SLC39A10: variants seen among roughly 807,000 people sequenced by gnomAD.
The protein encoded by SLC39A10 is zinc transporter ZIP10.
A neutral mutation model predicts 65.1 loss-of-function variants in SLC39A10; 13 were observed. The observed-to-expected ratio is 0.20, with a 90% confidence interval of 0.13 to 0.32. The LOEUF is 0.32. Among genes scored for constraint, SLC39A10 ranks in the 10% least tolerant of loss-of-function variants. The probability of loss-of-function intolerance (pLI) is 1.00; values close to 1 mark genes in which losing one functional copy is unlikely to be tolerated. For synonymous variants in SLC39A10, 321 were observed against 342.2 expected (o/e 0.94, Z 0.68); for missense variants, 831 against 1,018.4 (o/e 0.82, Z 2.50).
intron 2 of SLC39A10, among the ~76,000 whole-genome samples, chr2:195,641,074 C>G (rs1033887757): frequency 2.6e-5 from 4 of 152,130 alleles, no homozygotes; most frequent in African/African-American, 9.7e-5. Flanking sequence ...CTCAAGGAAT[C>G]GGTGAGTATA....
intron 8 of SLC39A10, among the ~76,000 whole-genome samples, chr2:195,727,147 C>G (rs900210195): frequency 7.9e-5 from 12 of 152,062 alleles, no homozygotes; most frequent in African/African-American, 2.2e-4. Flanking sequence ...AGATAATGTT[C>G]CAACTTTAGA....
At chr2:195,730,834 A>T (rs1211702469) in intron 9 of SLC39A10, among the ~76,000 whole-genome samples, 1 of 152,196 alleles carries the variant, frequency 6.6e-6, no homozygotes, top group Non-Finnish European at 1.5e-5. Flanking sequence ...CATCTCAGAA[A>T]TGATGATACC....
intron 2 of SLC39A10, among the ~76,000 whole-genome samples, chr2:195,626,299 A>G (rs1367749369): frequency 1.3e-5 from 2 of 152,064 alleles, no homozygotes; most frequent in Non-Finnish European, 1.5e-5. Flanking sequence ...GCACTTTATT[A>G]TTCCCCTACA....
chr2:195,634,387 T>A (rs1473431324), intron 2 of SLC39A10, among the ~76,000 whole-genome samples: 1 of 152,214 alleles, frequency 6.6e-6, no homozygotes, highest in Non-Finnish European at 1.5e-5. Flanking sequence ...GTTCTCATTA[T>A]GTTTTTATTA....
intron 1 of SLC39A10, among the ~76,000 whole-genome samples, chr2:195,662,464 A>G (rs921903180): frequency 7.9e-6 from 1 of 127,160 alleles, no homozygotes; most frequent in Non-Finnish European, 1.6e-5. Context: ...TTGTAGAGAC[A>G]AGAGTTTCAC....
chr2:195,717,346 A>G (rs1691853695), intron 7 of SLC39A10: 1 of 181,496 alleles, frequency 5.5e-6, no homozygotes, highest in Non-Finnish European at 1.1e-5. Flanking sequence ...CCTAGGTTTA[A>G]TAAATTTGCC....
At chr2:195,714,093 A>AT (rs1276308018) in intron 6 of SLC39A10, among the ~76,000 whole-genome samples, 2 of 151,892 alleles carry the variant, frequency 1.3e-5, no homozygotes, top group Admixed American at 1.3e-4. Context: ...CGCCTGGCTA[A>AT]TTTTTTTCTT....
chr2:195,673,834 G>A (rs80291098), intron 1 of SLC39A10, among the ~76,000 whole-genome samples: 2,694 of 152,276 alleles, frequency 0.018, 40 homozygotes, highest in Admixed American at 0.029. Context: ...TCAAGCACCT[G>A]AATCCCATTA....
chr2:195,679,965 G>A (rs1377199008), intron 1 of SLC39A10, 67 bp from the exon 2 acceptor site: 3 of 1,347,834 alleles, frequency 2.2e-6, no homozygotes, highest in Non-Finnish European at 3.0e-6. Flanking sequence ...AACTTCCAGA[G>A]AATTAGATTG....
At position 195,680,816 on chromosome 2, in the gene SLC39A10, T is replaced by C. The variant is rs1284384562; in HGVS notation, c.774T>C (p.Gly258=). 1 of 1,613,986 alleles carries C rather than the reference T, an allele frequency of 6.2e-7. No homozygotes were observed. The highest frequency in any genetic ancestry group is 8.5e-7 in the Non-Finnish European group (1 of 1,180,000). The change falls in exon 2 of 10, where the codon GGT becomes GGC. Residue 258 remains glycine (G), a synonymous_variant. Transcript: ENST00000359634. ...GTTTTCCCCCTAACCATGATCAGGG[T>C]GAACAGTATGAGCATAATCGGGTCC... ...TPGFPPNHDQ[G]EQYEHNRVHK...
chr2:195,635,698 A>ACCCCCC (rs150403511), intron 2 of SLC39A10, among the ~76,000 whole-genome samples: 1 of 110,394 alleles, frequency 9.1e-6, no homozygotes, highest in South Asian at 3.2e-4. Flanking sequence ...TTTTTGTGGA[A>ACCCCCC]CCCCCCCCAC....
At chr2:195,641,732 C>T (rs1270078843) in intron 2 of SLC39A10, among the ~76,000 whole-genome samples, 1 of 143,896 alleles carries the variant, frequency 6.9e-6, no homozygotes, top group Admixed American at 7.5e-5. Context: ...GGGAGTCTTG[C>T]CCAGGCTGGA....
chr2:195,665,447 G>A (rs1406355912), intron 1 of SLC39A10, among the ~76,000 whole-genome samples: 1 of 152,160 alleles, frequency 6.6e-6, no homozygotes, highest in African/African-American at 2.4e-5. Flanking sequence ...CTACAGCCTG[G>A]GCAACAGTGG....
chr2:195,730,750 G>A (rs1207071652), intron 9 of SLC39A10, among the ~76,000 whole-genome samples: 2 of 152,164 alleles, frequency 1.3e-5, no homozygotes, highest in Non-Finnish European at 2.9e-5. Context: ...AAGGCATTGT[G>A]CACTTGACAT....
At chr2:195,674,621 C>T (rs760684640) in intron 1 of SLC39A10, 1 of 985,108 alleles carries the variant, frequency 1.0e-6, no homozygotes, top group Non-Finnish European at 1.2e-6. Flanking sequence ...CCTCTTATTC[C>T]CCCATGTTCT....
chr2:195,693,498 G>A (rs562060170), intron 3 of SLC39A10, among the ~76,000 whole-genome samples: 1 of 151,880 alleles, frequency 6.6e-6, no homozygotes, highest in African/African-American at 2.4e-5. Context: ...TGTTATTGGT[G>A]TGTTTCTATA....
intron 1 of SLC39A10, among the ~76,000 whole-genome samples, chr2:195,662,532 T>C (rs12693774): frequency 0.71 from 108,400 of 152,086 alleles, 38,741 homozygotes; most frequent in Non-Finnish European, 0.73. Context: ...CCTTGGCCTC[T>C]TGAAGTGCTG....
Position 195,649,424 on chromosome 2 carries a change from C to T in SLC39A10, c.-11-30608C>T, listed in dbSNP as rs1232178166. Among the ~76,000 whole-genome samples the T allele has an allele frequency of 2.6e-5, 4 of 152,126 alleles. No homozygotes were observed. The East Asian group carries it at 5.8e-4, about 22-fold the overall frequency. On this transcript the variant is annotated intron_variant, in intron 2 of 2. Coordinates refer to the SLC39A10 transcript ENST00000458054. ...AAGCAGTATTTGCTAAGACAGAACA[C>T]GTGTGTCTTGATTTTAGAAGATGTA... is the stretch of plus-strand genomic sequence containing the variant.
intron 2 of SLC39A10, among the ~76,000 whole-genome samples, chr2:195,617,273 G>A (rs567845963): frequency 5.4e-4 from 82 of 152,130 alleles, no homozygotes; most frequent in African/African-American, 1.6e-3. Flanking sequence ...TTTTTTAAAA[G>A]TTAACTGAGC....
Sources: allele counts gnomAD v4.1 joint callset (sites outside exome capture counted in the v4.1 genomes callset), GRCh38; gene constraint gnomAD v4.1.1; transcripts MANE v1.5; gene names NCBI Gene and HGNC (gene_info 2026-07-23, HGNC 2026-07-21).